The following CCDC178 variants were observed in gnomAD, a reference collection of about 807,000 sequenced individuals.
The protein encoded by CCDC178 is coiled-coil domain containing 178.
A neutral mutation model predicts 117.4 loss-of-function variants in CCDC178; 126 were observed. That is an observed-to-expected ratio of 1.07 (90% confidence interval 0.93 to 1.24). The LOEUF is 1.24. Ranked by LOEUF, CCDC178 falls within the 50% of genes most tolerant of loss-of-function variation. CCDC178 has a pLI of 0.00. For missense variants in CCDC178, 1,030 were observed against 986.9 expected (o/e 1.04, Z -0.59); for synonymous variants, 283 against 313.4 (o/e 0.90, Z 1.02).
At chr18:33,226,957 T>C in intron 15 of CCDC178, 102 bp from the exon 16 acceptor site, 1 of 448,656 alleles carries the variant, frequency 2.2e-6, no homozygotes, top group Non-Finnish European at 3.9e-6. Flanking sequence ...AATGTTTCAA[T>C]ATAGAGTAAA....
intron 15 of CCDC178, among the ~76,000 whole-genome samples, chr18:33,242,170 C>T (rs1342764627): frequency 4.0e-5 from 6 of 151,758 alleles, no homozygotes; most frequent in Non-Finnish European, 7.4e-5. Context: ...TGGGAAAGGA[C>T]AGTTTATTCA....
intron 20 of CCDC178, among the ~76,000 whole-genome samples, chr18:33,174,347 ATC>A (rs1454774755): frequency 1.3e-5 from 2 of 152,202 alleles, no homozygotes; most frequent in Non-Finnish European, 2.9e-5. Flanking sequence ...GGGGACAAAT[ATC>A]CAAACCATAT....
intron 21 of CCDC178, among the ~76,000 whole-genome samples, chr18:33,082,555 T>C (rs893627942): frequency 3.3e-5 from 5 of 152,134 alleles, no homozygotes; most frequent in African/African-American, 1.2e-4. Context: ...CCACTTAGTT[T>C]AGTATAATTG....
At chr18:33,346,443 A>C in intron 8 of CCDC178, 32 bp from the exon 9 acceptor site, 1 of 1,456,686 alleles carries the variant, frequency 6.9e-7, no homozygotes, top group South Asian at 1.2e-5. Flanking sequence ...ACATTTGTTA[A>C]TAAATCAGTC....
At chr18:33,328,888 G>A (rs1002197396) in intron 10 of CCDC178, among the ~76,000 whole-genome samples, 3 of 152,008 alleles carry the variant, frequency 2.0e-5, no homozygotes. Context: ...GATATTTTTA[G>A]GTGCTATTGA....
intron 15 of CCDC178, among the ~76,000 whole-genome samples, chr18:33,229,931 C>T (rs1178381529): frequency 6.6e-6 from 1 of 152,150 alleles, no homozygotes; most frequent in East Asian, 1.9e-4. Flanking sequence ...CATTATTCAA[C>T]ATGAATTATG....
rs1555656270 is a variant in CCDC178, at chr18:33,179,078, A to AATATAT, written c.2238+32812_2238+32817dup. On this transcript the variant is annotated intron_variant, in intron 20 of 22. Transcript: ENST00000383096. ...ACTCAGTAAAAAAAAAAAAAAAAAAAATATATATATATATATATATATATA... is the reference window on the plus strand; with the variant it reads ...ACTCAGTAAAAAAAAAAAAAAAAAAAATATATATATATATATATATATATATATATA... Among the ~76,000 whole-genome samples the AATATAT allele has an allele frequency of 2.2e-3, 121 of 55,808 alleles. 2 individuals carry two copies. Among genetic ancestry groups the AATATAT allele is most frequent in the African/African-American group, 4.8e-3 (42 of 8,832 alleles). 36.6% of individuals were successfully genotyped at this position (55,808 alleles called of 152,430 possible). A position where few individuals can be genotyped will look rare whatever the true frequency, so the allele number is the denominator to read the frequency against.
chr18:33,162,843 T>G (rs1233725427), intron 20 of CCDC178, among the ~76,000 whole-genome samples: 1 of 152,214 alleles, frequency 6.6e-6, no homozygotes, highest in Non-Finnish European at 1.5e-5. Flanking sequence ...CTGATGGGTA[T>G]GCAGGTTGAT....
chr18:32,952,892 C>G (rs988679940), intron 22 of CCDC178, among the ~76,000 whole-genome samples: 1 of 151,818 alleles, frequency 6.6e-6, no homozygotes, highest in Non-Finnish European at 1.5e-5. Flanking sequence ...CCTGCCTCAG[C>G]CTCCCGAGTA....
chr18:33,419,840 TG>T (rs1385043376), intron 2 of CCDC178, among the ~76,000 whole-genome samples: 1 of 151,944 alleles, frequency 6.6e-6, no homozygotes, highest in African/African-American at 2.4e-5. Context: ...TCAGCCACTG[TG>T]GAAAGCAGTT....
intron 6 of CCDC178, among the ~76,000 whole-genome samples, chr18:33,364,149 C>A: frequency 6.6e-6 from 1 of 152,074 alleles, no homozygotes; most frequent in South Asian, 2.1e-4. Flanking sequence ...ATGATTGGTC[C>A]CAGGCAAGAA....
At chr18:33,353,728 T>C (rs1281839232) in intron 7 of CCDC178, among the ~76,000 whole-genome samples, 2 of 152,150 alleles carry the variant, frequency 1.3e-5, no homozygotes, top group African/African-American at 4.8e-5. Flanking sequence ...ACAAATTACA[T>C]AGTTATCCAT....
chr18:33,036,451 A>G (rs1347404102), intron 21 of CCDC178, among the ~76,000 whole-genome samples: 2 of 151,922 alleles, frequency 1.3e-5, no homozygotes, highest in Non-Finnish European at 2.9e-5. Context: ...TGGCTGTAAG[A>G]ACACCAAACT....
intron 21 of CCDC178, among the ~76,000 whole-genome samples, chr18:33,025,766 C>T (rs2056215616): frequency 6.6e-6 from 1 of 152,108 alleles, no homozygotes; most frequent in South Asian, 2.1e-4. Context: ...TTGACTTACA[C>T]ATTGCTGGTA....
intron 12 of CCDC178, among the ~76,000 whole-genome samples, chr18:33,280,018 T>A (rs1185043935): frequency 2.6e-5 from 4 of 151,050 alleles, no homozygotes; most frequent in Non-Finnish European, 5.9e-5. Context: ...AACCTAGGCA[T>A]TACCATTCAG....
chr18:33,255,570 G>T (rs1310919598), intron 14 of CCDC178, among the ~76,000 whole-genome samples: 5 of 152,074 alleles, frequency 3.3e-5, no homozygotes, highest in Non-Finnish European at 7.4e-5. Context: ...AGCCAGGAGA[G>T]AGGGATATAG....
At chr18:33,319,983 AC>A (rs2062481117) in intron 11 of CCDC178, among the ~76,000 whole-genome samples, 2 of 152,230 alleles carry the variant, frequency 1.3e-5, no homozygotes, top group South Asian at 4.1e-4. Flanking sequence ...AGAACCAATG[AC>A]AAAAAATCAC....
chr18:33,296,932 G>C (rs540004502), intron 11 of CCDC178, among the ~76,000 whole-genome samples: 18 of 152,260 alleles, frequency 1.2e-4, no homozygotes, highest in Admixed American at 1.2e-3. Context: ...GCTGAAACCA[G>C]AGAATTGCTT....
At chr18:33,162,772 T>C (rs2058482423) in intron 20 of CCDC178, among the ~76,000 whole-genome samples, 2 of 152,208 alleles carry the variant, frequency 1.3e-5, no homozygotes, top group South Asian at 4.1e-4. Context: ...GCCATTCTTT[T>C]TTATGGATGC....
Sources: gnomAD v4.1 joint callset for allele counts (sites outside exome capture counted in the v4.1 genomes callset) on GRCh38, gnomAD v4.1.1 for gene constraint, MANE v1.5 for transcripts, NCBI Gene and HGNC (gene_info 2026-07-23, HGNC 2026-07-21) for gene names.